The following UNC13C variants were observed in gnomAD, a reference collection of about 807,000 sequenced individuals.
UNC13C encodes the protein protein unc-13 homolog C.
In UNC13C, 174 loss-of-function variants were observed where a neutral mutation model predicts 245.4. That is an observed-to-expected ratio of 0.71 (90% CI 0.63 to 0.80). The LOEUF is 0.80. UNC13C is among the 30% of genes least tolerant of loss of function. The pLI is 0.00. For synonymous variants in UNC13C, 992 were observed against 895.1 expected (o/e 1.11, Z -1.93); for missense variants, 2,829 against 2,602.9 (o/e 1.09, Z -1.89).
At chr15:54,054,709 G>C (rs964373969) in intron 2 of UNC13C, among the ~76,000 whole-genome samples, 2 of 152,116 alleles carry the variant, frequency 1.3e-5, no homozygotes, top group East Asian at 3.9e-4. Flanking sequence ...GCATATCACA[G>C]TATCAATTAT....
At chr15:54,230,613 A>G (rs2035524475) in intron 4 of UNC13C, among the ~76,000 whole-genome samples, 1 of 152,072 alleles carries the variant, frequency 6.6e-6, no homozygotes, top group African/African-American at 2.4e-5. Flanking sequence ...ACCTGAGTCA[A>G]GGCACATAGC....
chr15:53,913,595 TA>T, the UNC13C span: 1 of 152,190 alleles, frequency 6.6e-6, no homozygotes, highest in Non-Finnish European at 1.5e-5. Context: ...CACTCGTGGG[TA>T]ATGACCCCAT....
At chr15:54,583,914 C>A (rs2141243606) in intron 30 of UNC13C, among the ~76,000 whole-genome samples, 1 of 152,316 alleles carries the variant, frequency 6.6e-6, no homozygotes, top group East Asian at 1.9e-4. Context: ...TCAGCCTAAG[C>A]CACACCCCCA....
intron 4 of UNC13C, among the ~76,000 whole-genome samples, chr15:54,204,304 T>C (rs1344605394): frequency 4.5e-5 from 2 of 44,738 alleles, no homozygotes; most frequent in African/African-American, 1.0e-4. Context: ...AGATTAAAAA[T>C]TGAAAAAAAA....
chr15:54,321,812 G>T (rs2038167538), intron 13 of UNC13C, 127 bp from the exon 14 acceptor site: 1 of 975,170 alleles, frequency 1.0e-6, no homozygotes, highest in South Asian at 1.7e-5. Flanking sequence ...TTCAATTAGA[G>T]ATTGTGCAGT....
intron 10 of UNC13C, among the ~76,000 whole-genome samples, chr15:54,280,755 C>T (rs146134198): frequency 5.8e-5 from 6 of 103,798 alleles, no homozygotes; most frequent in Admixed American, 9.2e-5. Context: ...TACATATATA[C>T]ACATACATAC....
intron 2 of UNC13C, among the ~76,000 whole-genome samples, chr15:54,093,408 C>T (rs895171289): frequency 3.9e-5 from 6 of 152,150 alleles, no homozygotes; most frequent in Non-Finnish European, 8.8e-5. Context: ...TAGTATTACT[C>T]CTTAAATTGT....
At chr15:54,259,431 A>C (rs901583321) in intron 8 of UNC13C, among the ~76,000 whole-genome samples, 1 of 152,240 alleles carries the variant, frequency 6.6e-6, no homozygotes, top group South Asian at 2.1e-4. Flanking sequence ...CATGTCTTAC[A>C]TGGCATCAGG....
chr15:54,417,505 A>G (rs74503968), intron 19 of UNC13C, among the ~76,000 whole-genome samples: 3 of 152,306 alleles, frequency 2.0e-5, no homozygotes, highest in African/African-American at 7.2e-5. Context: ...GAGTAAATTT[A>G]AAACTTACTC....
intron 17 of UNC13C, among the ~76,000 whole-genome samples, chr15:54,359,590 T>G (rs2039180884): frequency 6.6e-6 from 1 of 151,932 alleles, no homozygotes; most frequent in African/African-American, 2.4e-5. Flanking sequence ...GTTCAGGAAT[T>G]TATACATTTC....
intron 1 of UNC13C, among the ~76,000 whole-genome samples, chr15:54,005,675 G>T (rs1179458271): frequency 1.3e-5 from 2 of 152,182 alleles, no homozygotes; most frequent in Non-Finnish European, 2.9e-5. Context: ...GAAAAGAAAA[G>T]ATGACAAGTT....
chr15:54,484,510 C>G (rs1270953277), intron 19 of UNC13C, among the ~76,000 whole-genome samples: 1 of 151,844 alleles, frequency 6.6e-6, no homozygotes, highest in Non-Finnish European at 1.5e-5. Context: ...TAAACAAATA[C>G]ATTATCAGTA....
At chr15:53,955,510 A>AT in the UNC13C span, among the ~76,000 whole-genome samples, 1 of 152,224 alleles carries the variant, frequency 6.6e-6, no homozygotes, top group Non-Finnish European at 1.5e-5. Flanking sequence ...GATGTAGGTA[A>AT]TTAGAGCAAT....
At chr15:54,335,049 C>A (rs548763203) in intron 16 of UNC13C, among the ~76,000 whole-genome samples, 1 of 152,234 alleles carries the variant, frequency 6.6e-6, no homozygotes, top group South Asian at 2.1e-4. Flanking sequence ...ACCACCTACC[C>A]CAGTAGGTAC....
Position 54,118,343 on chromosome 15 carries a change from A to G in UNC13C, c.2984-24675A>G, listed in dbSNP as rs60251028. ...CAATTTTTTTTCATCAGTGTTTTTTAGTTTTTCTTGTATAGATATTTTACT... is the reference window on the plus strand; with the variant it reads ...CAATTTTTTTTCATCAGTGTTTTTTGGTTTTTCTTGTATAGATATTTTACT... On this transcript the variant is annotated intron_variant, in intron 2 of 32. Coordinates refer to ENST00000260323, the MANE Select transcript of UNC13C (RefSeq NM_001080534.3). Among the ~76,000 whole-genome samples, 622 of 151,242 alleles carry G rather than the reference A, an allele frequency of 4.1e-3. 3 individuals carry two copies. The highest frequency in any genetic ancestry group is 0.014 in the African/African-American group (592 of 41,210).
the UNC13C span, among the ~76,000 whole-genome samples, chr15:53,971,567 A>G: frequency 6.6e-6 from 1 of 152,148 alleles, no homozygotes; most frequent in Non-Finnish European, 1.5e-5. Context: ...ATTTTTTAGT[A>G]TAGGATGATT....
At chr15:54,407,429 T>A (rs2140938849) in intron 18 of UNC13C, among the ~76,000 whole-genome samples, 2 of 152,206 alleles carry the variant, frequency 1.3e-5, no homozygotes, top group South Asian at 4.2e-4. Flanking sequence ...TGCCATTAAT[T>A]TAACTATGAA....
chr15:54,438,013 A>G (rs1043908537), intron 19 of UNC13C, among the ~76,000 whole-genome samples: 5 of 151,932 alleles, frequency 3.3e-5, no homozygotes, highest in Admixed American at 1.3e-4. Context: ...GAGTAAGTGC[A>G]TTCATAAGAG....
At chr15:54,561,389 G>T (rs1196297017) in intron 29 of UNC13C, among the ~76,000 whole-genome samples, 5 of 152,012 alleles carry the variant, frequency 3.3e-5, no homozygotes, top group African/African-American at 1.2e-4. Flanking sequence ...TAGAGGATGT[G>T]ATCAACCAGT....
Sources: gnomAD v4.1 joint callset for allele counts (sites outside exome capture counted in the v4.1 genomes callset) on GRCh38, gnomAD v4.1.1 for gene constraint, MANE v1.5 for transcripts, NCBI Gene and HGNC (gene_info 2026-07-23, HGNC 2026-07-21) for gene names.